PTPRF: variants seen among roughly 807,000 people sequenced by gnomAD.
The protein encoded by PTPRF is protein tyrosine phosphatase receptor type F.
A neutral mutation model predicts 201.8 loss-of-function variants in PTPRF; 59 were observed. That is an observed-to-expected ratio of 0.29 (90% confidence interval 0.24 to 0.36). PTPRF has a LOEUF of 0.36. Among genes scored for constraint, PTPRF ranks in the 10% least tolerant of loss-of-function variants. The probability of loss-of-function intolerance (pLI) is 1.00; values close to 1 mark genes in which losing one functional copy is unlikely to be tolerated. For synonymous variants in PTPRF, 1,088 were observed against 1,089.7 expected, an observed-to-expected ratio of 1.00 and a Z score of 0.03; for missense variants, 2,132 against 2,690.5, an observed-to-expected ratio of 0.79 and a Z score of 4.59.
At chr1:43,592,844 G>A (rs559139675) in intron 11 of PTPRF, among the ~76,000 whole-genome samples, 162 of 151,846 alleles carry the variant, frequency 1.1e-3, no homozygotes, top group African/African-American at 3.1e-3. Flanking sequence ...CCCTCCTCCC[G>A]CCCATGCCCC....
chr1:43,591,139 C>T lies in PTPRF; in HGVS notation c.1117C>T (p.Arg373Cys), dbSNP rs1650586610. 5 of 1,613,640 alleles carry T rather than the reference C, an allele frequency of 3.1e-6. No individual in the cohort carries two copies. The highest frequency in any genetic ancestry group is 4.2e-6 in the Non-Finnish European group (5 of 1,180,028). ...FQEVDGVATTRYSIGGLSPFS... is the reference protein window; with the variant it reads ...FQEVDGVATTCYSIGGLSPFS... ...GGAGGTGGATGGTGTGGCCACCACCCGCTACAGCATTGGCGGCCTCAGCCC... is the reference window on the plus strand; with the variant it reads ...GGAGGTGGATGGTGTGGCCACCACCTGCTACAGCATTGGCGGCCTCAGCCC... Residue 373 changes from arginine (R) to cysteine (C), a missense_variant, in exon 9 of 34, where the codon CGC (arginine) becomes TGC (cysteine). Physicochemically the swap from Arg to Cys is radical, Grantham distance 180. This residue lies in a region of PTPRF where 351 missense variants were observed against 401.7 expected (regional missense o/e 0.87). Transcript: ENST00000359947.
In PTPRF at chr1:43,539,737, C is replaced by T. The variant is rs181839281; in HGVS notation, c.-46+1460C>T. Among the ~76,000 whole-genome samples the T allele has an allele frequency of 8.6e-4, 131 of 152,248 alleles. 1 individual carries two copies. The highest frequency in any genetic ancestry group is 2.1e-4 in the Non-Finnish European group (14 of 68,010). ...CCTCAGATGATGGTCTGACCTAACT[C>T]GAAGTCCAGTCTTGCCAGAATAGGT... is the stretch of plus-strand genomic sequence containing the variant. On this transcript the variant is annotated intron_variant, in intron 2 of 33. Coordinates refer to ENST00000359947, the MANE Select transcript of PTPRF (RefSeq NM_002840.5).
intron 32 of PTPRF, 47 bp from the exon 33 acceptor site, chr1:43,621,050 C>T: frequency 6.2e-7 from 1 of 1,610,842 alleles, no homozygotes; most frequent in Non-Finnish European, 8.5e-7. Flanking sequence ...GGCAGACCCA[C>T]TGCATGAGGC....
intron 22 of PTPRF, among the ~76,000 whole-genome samples, chr1:43,612,427 T>C (rs1474435722): frequency 6.6e-6 from 1 of 152,030 alleles, no homozygotes; most frequent in African/African-American, 2.4e-5. Context: ...CATCTGAAAA[T>C]CGCCAAGGGC....
intron 30 of PTPRF, 57 bp from the exon 31 acceptor site, chr1:43,620,397 G>A (rs1658918600): frequency 5.2e-6 from 8 of 1,552,182 alleles, no homozygotes; most frequent in Non-Finnish European, 7.0e-6. Context: ...GTGAAGCCTG[G>A]CACCCCTCCC....
intron 1 of PTPRF, among the ~76,000 whole-genome samples, chr1:43,536,153 G>T (rs1268697640): frequency 6.6e-6 from 1 of 152,130 alleles, no homozygotes; most frequent in Non-Finnish European, 1.5e-5. Context: ...TGTCAGCTCT[G>T]GCTCTGTTCT....
At chr1:43,571,019 A>C (rs1646532423) in intron 6 of PTPRF, among the ~76,000 whole-genome samples, 1 of 152,048 alleles carries the variant, frequency 6.6e-6, no homozygotes, top group Non-Finnish European at 1.5e-5. Context: ...GCCCCTCCAC[A>C]GAACCACATG....
chr1:43,565,266 A>G (rs1646079754), intron 5 of PTPRF, among the ~76,000 whole-genome samples: 1 of 151,868 alleles, frequency 6.6e-6, no homozygotes, highest in Non-Finnish European at 1.5e-5. Context: ...TTGGATTCCC[A>G]CCATCGACCC....
At chr1:43,608,061 TC>T (rs1485603159) in intron 21 of PTPRF, among the ~76,000 whole-genome samples, 2 of 152,226 alleles carry the variant, frequency 1.3e-5, no homozygotes, top group Admixed American at 6.5e-5. Flanking sequence ...GACCCACTGT[TC>T]CTTCCTAAAG....
chr1:43,590,500 G>GC (rs1296505150), intron 8 of PTPRF, among the ~76,000 whole-genome samples: 1 of 152,150 alleles, frequency 6.6e-6, no homozygotes, highest in Admixed American at 6.5e-5. Flanking sequence ...GGGGCCAGCA[G>GC]CCCCATCACT....
rs1645223173 is a variant in PTPRF at position 43,554,468 on chromosome 1, G to C, written c.379+527G>C. 6.6e-6 allele frequency among the ~76,000 whole-genome samples: 1 copy of C among 152,214 alleles called. No homozygotes were observed. Among genetic ancestry groups the C allele is most frequent in the South Asian group, 2.1e-4 (1 of 4,828 alleles). ...TCTGAGCACCGAGGAGGAGGAAGCT[G>C]TGTCTAAGCCAAGTCTTGAGGACAG... is the stretch of plus-strand genomic sequence containing the variant. On this transcript the variant is annotated intron_variant, in intron 5 of 33. Transcript: ENST00000359947. The surrounding 1 kb of genome is among the most constrained non-coding windows in gnomAD (Gnocchi z 4.1).
Position 43,553,571 on chromosome 1 carries a change from A to T in PTPRF, c.171A>T (p.Thr57=). The T allele has an allele frequency of 6.2e-7, 1 of 1,614,214 alleles. No homozygotes were observed. Among genetic ancestry groups the T allele is most frequent in the Non-Finnish European group, 8.5e-7 (1 of 1,180,028 alleles). ...GGVASFVCQA[T]GEPKPRITWM... is the part of the protein sequence containing the mutation. Reference sequence around the variant, plus strand: ...TAGCCTCCTTCGTGTGCCAAGCTACAGGAGAACCCAAGCCGCGCATCACAT... The same window carrying T: ...TAGCCTCCTTCGTGTGCCAAGCTACTGGAGAACCCAAGCCGCGCATCACAT... Residue 57 remains threonine (T), a synonymous_variant, in exon 4 of 34, where the codon ACA becomes ACT. Coordinates refer to ENST00000359947, the MANE Select transcript of PTPRF (RefSeq NM_002840.5). The surrounding 1 kb of genome is among the most constrained non-coding windows in gnomAD (Gnocchi z 4.1).
intron 1 of PTPRF, among the ~76,000 whole-genome samples, chr1:43,536,355 C>A (rs926487486): frequency 1.3e-5 from 2 of 152,204 alleles, no homozygotes; most frequent in African/African-American, 4.8e-5. Context: ...TGCCCTCATG[C>A]TGTTCTGTGT....
rs1557838603 is a variant in PTPRF, at chr1:43,606,271, A to AGCAGCGGCG, written c.3518_3526dup (p.Gln1173_Arg1175dup). ...GAAGCCATCGAGCAAGGCGGAGAGGAGCAGCGGCGGCGGCGGCGGCAGGCA... is the reference window on the plus strand; with the variant it reads ...GAAGCCATCGAGCAAGGCGGAGAGGAGCAGCGGCGGCAGCGGCGGCGGCGGCGGCAGGCA... On this transcript the variant is annotated inframe_insertion, in exon 20 of 34. Transcript: ENST00000359947. 3 of 1,613,634 alleles carry AGCAGCGGCG rather than the reference A, an allele frequency of 1.9e-6. No homozygotes were observed. The South Asian group carries it at 3.3e-5, about 18-fold the overall frequency.
At chr1:43,612,734 T>C (rs753704128) in intron 22 of PTPRF, 32 of 1,359,016 alleles carry the variant, frequency 2.4e-5, no homozygotes, top group Non-Finnish European at 2.9e-5. Context: ...CCCCGTTGTT[T>C]TTTTCGTTTG....
rs564488953 is a variant in PTPRF, at chr1:43,559,243, C to T, written c.379+5302C>T. On this transcript the variant is annotated intron_variant, in intron 5 of 33. Coordinates refer to ENST00000359947, the MANE Select transcript of PTPRF (RefSeq NM_002840.5). ...ACAGAACGGGGTGTGCAGCGGTCAG[C>T]GCACACGTTACCATCAGGCAGTGGG... is the stretch of plus-strand genomic sequence containing the variant. Among the ~76,000 whole-genome samples, 4 of 152,046 alleles carry T rather than the reference C, an allele frequency of 2.6e-5. No homozygotes were observed. In the South Asian group the frequency reaches 8.3e-4, roughly 32 times the overall value.
At chr1:43,595,665 G>C (rs1013753414) in intron 11 of PTPRF, among the ~76,000 whole-genome samples, 1 of 152,196 alleles carries the variant, frequency 6.6e-6, no homozygotes, top group Non-Finnish European at 1.5e-5. Context: ...TGGGTGGTGA[G>C]AGAGCTTAGC....
At chr1:43,555,048 T>C (rs879707037) in intron 5 of PTPRF, among the ~76,000 whole-genome samples, 2 of 151,952 alleles carry the variant, frequency 1.3e-5, no homozygotes, top group Non-Finnish European at 2.9e-5. Context: ...GATGGAGTTT[T>C]ACCATGTTGG....
Position 43,603,972 on chromosome 1 carries a change from G to A in PTPRF, c.2820G>A (p.Val940=). 1 of 1,614,214 alleles carries A rather than the reference G, an allele frequency of 6.2e-7. No individual in the cohort carries two copies. Among genetic ancestry groups the A allele is most frequent in the South Asian group, 1.1e-5 (1 of 91,088 alleles). Residue 940 remains valine (V), a synonymous_variant, in exon 16 of 34, where the codon GTG becomes GTA. Transcript: ENST00000359947. The surrounding 1 kb of genome is among the most constrained non-coding windows in gnomAD (Gnocchi z 5.8). ...STTELAWDPP[V]LAERNGRIIS... is the part of the protein sequence containing the mutation. Reference sequence around the variant, plus strand: ...CAGAACTGGCCTGGGACCCGCCAGTGCTGGCGGAGAGGAACGGGCGCATCA... The same window carrying A: ...CAGAACTGGCCTGGGACCCGCCAGTACTGGCGGAGAGGAACGGGCGCATCA...
Sources: allele counts gnomAD v4.1 joint callset (sites outside exome capture counted in the v4.1 genomes callset), GRCh38; gene constraint gnomAD v4.1.1; regional missense constraint gnomAD v4.1.1; non-coding constraint Gnocchi (gnomAD v3.1); transcripts MANE v1.5; gene names NCBI Gene and HGNC (gene_info 2026-07-23, HGNC 2026-07-21).